The following SV2B variants were observed in gnomAD, a reference collection of about 807,000 sequenced individuals.
SV2B encodes synaptic vesicle glycoprotein 2B, also known as solute carrier family 22 member B2.
SV2B carries 41 observed loss-of-function variants against 73.9 expected under a neutral mutation model. That is an observed-to-expected ratio of 0.56 (90% CI 0.43 to 0.72). SV2B has a LOEUF of 0.72. Among genes scored for constraint, SV2B ranks in the 30% least tolerant of loss-of-function variants. The probability of loss-of-function intolerance (pLI) is 0.00; values close to 1 mark genes in which losing one functional copy is unlikely to be tolerated. For missense variants in SV2B, 764 were observed against 857.8 expected (o/e 0.89, Z 1.37); for synonymous variants, 314 against 314.2 (o/e 1.00, Z 0.01).
At position 91,149,034 on chromosome 15, in the gene SV2B, G is replaced by A. The variant is rs561612543; in HGVS notation, c.-392+48671G>A. Among the ~76,000 whole-genome samples the A allele has an allele frequency of 3.9e-5, 6 of 152,322 alleles. No individual in the cohort carries two copies. The South Asian group carries it at 1.2e-3, about 32-fold the overall frequency. On this transcript the variant is annotated intron_variant, in intron 1 of 12. Transcript: ENST00000394232. The stretch of plus-strand genomic sequence containing the variant: ...CTAATCGCATTGACCAGGACAGAGG[G>A]CATTTGTCAATTTGGCTACCACCAT...
chr15:91,279,105 C>G (rs2048600013), intron 9 of SV2B, among the ~76,000 whole-genome samples: 1 of 152,232 alleles, frequency 6.6e-6, no homozygotes, highest in Admixed American at 6.5e-5. Context: ...AGCTTTCACT[C>G]TTCCTTCAGG....
intron 1 of SV2B, among the ~76,000 whole-genome samples, chr15:91,133,476 G>A (rs2042719593): frequency 6.6e-6 from 1 of 152,046 alleles, no homozygotes; most frequent in Admixed American, 6.5e-5. Flanking sequence ...CTATTTTGGA[G>A]GGAGTGTTAA....
At chr15:91,201,590 G>A (rs570154523) in intron 1 of SV2B, among the ~76,000 whole-genome samples, 2 of 152,106 alleles carry the variant, frequency 1.3e-5, no homozygotes, top group African/African-American at 4.8e-5. Flanking sequence ...CCTATCTCCT[G>A]ATCCCACCCT....
chr15:91,106,538 C>G lies in SV2B; in HGVS notation c.-392+6175C>G, dbSNP rs1363102632. ...CTTTCTTTACAAGGTCTCATGGGAG[C>G]CTTATTGTGGATCTTATGCACTAAA... On this transcript the variant is annotated intron_variant, in intron 1 of 12. Transcript: ENST00000394232. This position sits in a 1 kb window ranked among gnomAD's most constrained non-coding sequence, Gnocchi z 4.4. 2.0e-5 allele frequency among the ~76,000 whole-genome samples: 3 copies of G among 152,044 alleles called. No individual in the cohort carries two copies. Among genetic ancestry groups the G allele is most frequent in the Non-Finnish European group, 4.4e-5 (3 of 68,018 alleles).
Position 91,239,334 on chromosome 15 carries a change from C to T in SV2B, c.452-12485C>T, listed in dbSNP as rs2046913856. Among the ~76,000 whole-genome samples, 1 of 151,806 alleles carries T rather than the reference C, an allele frequency of 6.6e-6. No individual in the cohort carries two copies. The highest frequency in any genetic ancestry group is 1.5e-5 in the Non-Finnish European group (1 of 67,988). On this transcript the variant is annotated intron_variant, in intron 2 of 12. Coordinates refer to ENST00000394232, the MANE Select transcript of SV2B (RefSeq NM_001323032.3). The surrounding 1 kb of genome is among the most constrained non-coding windows in gnomAD (Gnocchi z 5.1). ...TTTTGTCCTTGCCTTGTCCTCTCTG[C>T]CTCACCTCTCGGTGGGTCCTAGAAA...
At chr15:91,291,476 G>A (rs879896504) in intron 12 of SV2B, among the ~76,000 whole-genome samples, 5 of 152,092 alleles carry the variant, frequency 3.3e-5, no homozygotes, top group Non-Finnish European at 5.9e-5. Context: ...TTGGGGAGAG[G>A]TAGCATTGGG....
rs545230270 is a variant in SV2B at position 91,140,253 on chromosome 15, A to C, written c.-392+39890A>C. Among the ~76,000 whole-genome samples, 1 of 152,380 alleles carries C rather than the reference A, an allele frequency of 6.6e-6. No individual in the cohort carries two copies. The highest frequency in any genetic ancestry group is 2.4e-5 in the African/African-American group (1 of 41,598). ...AGTAATAGCAGCTAGGAACAAAGTT[A>C]CATTTTCTCAAGCCTTGACATTTTA... On this transcript the variant is annotated intron_variant, in intron 1 of 12. Transcript: ENST00000394232. The surrounding 1 kb of genome is among the most constrained non-coding windows in gnomAD (Gnocchi z 4.4).
chr15:91,179,525 T>A (rs2044463592), intron 1 of SV2B, among the ~76,000 whole-genome samples: 1 of 152,232 alleles, frequency 6.6e-6, no homozygotes, highest in Middle Eastern at 3.4e-3. Flanking sequence ...TGTGTGGGAG[T>A]CTAAGTCTCT....
At chr15:91,244,919 A>C (rs2047164161) in intron 2 of SV2B, among the ~76,000 whole-genome samples, 1 of 152,246 alleles carries the variant, frequency 6.6e-6, no homozygotes, top group South Asian at 2.1e-4. Flanking sequence ...GAGTCACTGC[A>C]GGAAAAAGAA....
intron 2 of SV2B, among the ~76,000 whole-genome samples, chr15:91,230,751 A>C (rs1309862137): frequency 6.6e-6 from 1 of 152,202 alleles, no homozygotes; most frequent in Non-Finnish European, 1.5e-5. Context: ...TCTGGTTTAT[A>C]GCAATACAAG....
rs1810092284 is a variant in SV2B, at chr15:91,124,799, A to G, written c.-392+24436A>G. 6.6e-6 allele frequency among the ~76,000 whole-genome samples: 1 copy of G among 152,144 alleles called. No homozygotes were observed. Among genetic ancestry groups the G allele is most frequent in the Non-Finnish European group, 1.5e-5 (1 of 68,018 alleles). Reference sequence around the variant, plus strand: ...ATCCCAAGTAACTGGGACTACAGGCATGAGCCACCACACCTGGCTAATGTT... The same window carrying G: ...ATCCCAAGTAACTGGGACTACAGGCGTGAGCCACCACACCTGGCTAATGTT... On this transcript the variant is annotated intron_variant, in intron 1 of 12. Coordinates refer to ENST00000394232, the MANE Select transcript of SV2B (RefSeq NM_001323032.3). The surrounding 1 kb of genome is among the most constrained non-coding windows in gnomAD (Gnocchi z 4.6).
intron 1 of SV2B, among the ~76,000 whole-genome samples, chr15:91,172,065 A>G (rs2044140579): frequency 6.6e-6 from 1 of 152,214 alleles, no homozygotes; most frequent in Admixed American, 6.5e-5. Flanking sequence ...GTCAAAACAC[A>G]TCAACTCTAC....
At chr15:91,148,062 C>T (rs1439459204) in intron 1 of SV2B, among the ~76,000 whole-genome samples, 1 of 136,560 alleles carries the variant, frequency 7.3e-6, no homozygotes, top group Non-Finnish European at 1.5e-5. Context: ...CTCACTGCAA[C>T]TTCCGCCTCC....
At chr15:91,150,422 G>C (rs1277498249) in intron 1 of SV2B, among the ~76,000 whole-genome samples, 1 of 152,186 alleles carries the variant, frequency 6.6e-6, no homozygotes, top group Non-Finnish European at 1.5e-5. Context: ...TATTCTTGAG[G>C]TATTGATATT....
Position 91,122,718 on chromosome 15 carries a change from C to T in SV2B, c.-392+22355C>T, listed in dbSNP as rs1424351277. ...ACATCTATTGAAATAAGAGCTTCAT[C>T]CTGGAGGATATTACATTAAATGAAA... On this transcript the variant is annotated intron_variant, in intron 1 of 12. Coordinates refer to ENST00000394232, the MANE Select transcript of SV2B (RefSeq NM_001323032.3). This position sits in a 1 kb window ranked among gnomAD's most constrained non-coding sequence, Gnocchi z 4.3. Among the ~76,000 whole-genome samples the T allele has an allele frequency of 6.6e-6, 1 of 152,128 alleles. No homozygotes were observed. Among genetic ancestry groups the T allele is most frequent in the Non-Finnish European group, 1.5e-5 (1 of 68,018 alleles).
rs1466054493 is a variant in SV2B at position 91,226,284 on chromosome 15, G to A, written c.21G>A (p.Gln7=). Reference sequence around the variant, plus strand: ...AAGGAATGGATGACTACAAGTATCAGGACAATTATGGGGGCTATGCTCCCA... The same window carrying A: ...AAGGAATGGATGACTACAAGTATCAAGACAATTATGGGGGCTATGCTCCCA... MDDYKY[Q]DNYGGYAPSD... is the part of the protein sequence containing the mutation. The change falls in exon 2 of 13, where the codon CAG becomes CAA. Residue 7 remains glutamine, a synonymous_variant. Coordinates refer to ENST00000394232, the MANE Select transcript of SV2B (RefSeq NM_001323032.3). 1 of 1,614,140 alleles carries A rather than the reference G, an allele frequency of 6.2e-7. No homozygotes were observed. Among genetic ancestry groups the A allele is most frequent in the Non-Finnish European group, 8.5e-7 (1 of 1,180,024 alleles).
At position 91,223,257 on chromosome 15, in the gene SV2B, G is replaced by A. The variant is rs1164981340; in HGVS notation, c.-391-2616G>A. Among the ~76,000 whole-genome samples, 2 of 152,158 alleles carry A rather than the reference G, an allele frequency of 1.3e-5. No individual in the cohort carries two copies. The highest frequency in any genetic ancestry group is 2.4e-5 in the African/African-American group (1 of 41,408). ...AAATAAGATCACATTTTGAGGTGCC[G>A]GCAGTCAGAACTTCAACATACCTTC... On this transcript the variant is annotated intron_variant, in intron 1 of 12. Transcript: ENST00000394232. The surrounding 1 kb of genome is among the most constrained non-coding windows in gnomAD (Gnocchi z 4.6).
chr15:91,130,655 G>C lies in SV2B; in HGVS notation c.-392+30292G>C, dbSNP rs2042613419. ...GAGGAAGCTCCTGCGTGTCAGTCAG[G>C]ATGTGGCTTGTGAGTCTTGCAGACA... On this transcript the variant is annotated intron_variant, in intron 1 of 12. Coordinates refer to ENST00000394232, the MANE Select transcript of SV2B (RefSeq NM_001323032.3). This position sits in a 1 kb window ranked among gnomAD's most constrained non-coding sequence, Gnocchi z 5.6. 1.3e-5 allele frequency among the ~76,000 whole-genome samples: 2 copies of C among 152,156 alleles called. No homozygotes were observed. The highest frequency in any genetic ancestry group is 4.1e-4 in the South Asian group (2 of 4,820).
intron 1 of SV2B, among the ~76,000 whole-genome samples, chr15:91,102,969 A>G (rs76068675): frequency 0.044 from 6,707 of 152,284 alleles, 190 homozygotes; most frequent in Middle Eastern, 0.078. Flanking sequence ...AAAGGAGGCC[A>G]CGGAAGCTGC....
Sources: allele counts gnomAD v4.1 joint callset (sites outside exome capture counted in the v4.1 genomes callset), GRCh38; gene constraint gnomAD v4.1.1; non-coding constraint Gnocchi (gnomAD v3.1); transcripts MANE v1.5; gene names NCBI Gene and HGNC (gene_info 2026-07-23, HGNC 2026-07-21).